FAM151B: variants seen among roughly 807,000 people sequenced by gnomAD.
FAM151B encodes the protein family with sequence similarity 151 member B.
A neutral mutation model predicts 31.2 loss-of-function variants in FAM151B; 24 were observed. The observed-to-expected ratio is 0.77, with a 90% CI of 0.56 to 1.08. The LOEUF (loss-of-function observed/expected upper bound fraction) is 1.08. Ranked by LOEUF, FAM151B falls within the 50% of genes least tolerant of loss-of-function variation. The probability of loss-of-function intolerance (pLI) is 0.00; values close to 1 mark genes in which losing one functional copy is unlikely to be tolerated. For missense variants in FAM151B, 293 were observed against 328.6 expected (o/e 0.89, Z 0.84); for synonymous variants, 105 against 111.4 (o/e 0.94, Z 0.36).
intron 1 of FAM151B, among the ~76,000 whole-genome samples, chr5:80,493,531 C>T (rs945073600): frequency 2.0e-5 from 3 of 152,082 alleles, no homozygotes; most frequent in Non-Finnish European, 4.4e-5. Context: ...AATGGATGTG[C>T]GAGTAGGAGA....
intron 5 of FAM151B, among the ~76,000 whole-genome samples, chr5:80,528,860 T>C (rs565756500): frequency 1.9e-3 from 296 of 152,234 alleles, no homozygotes; most frequent in African/African-American, 6.8e-3. Flanking sequence ...TATCCAGGAA[T>C]TGAACTCAGC....
chr5:80,511,956 T>C (rs1744207711), intron 2 of FAM151B, among the ~76,000 whole-genome samples: 1 of 152,240 alleles, frequency 6.6e-6, no homozygotes, highest in African/African-American at 2.4e-5. Flanking sequence ...TTCACTATGC[T>C]ACATAATTCA....
intron 5 of FAM151B, among the ~76,000 whole-genome samples, chr5:80,530,896 C>G (rs1053931024): frequency 6.6e-5 from 10 of 152,264 alleles, no homozygotes; most frequent in Admixed American, 2.0e-4. Flanking sequence ...CTTTAAAATT[C>G]ATATGGAACC....
At position 80,506,826 on chromosome 5, in the gene FAM151B, T is replaced by A. The variant is rs145084505; in HGVS notation, c.151+4909T>A. Among the ~76,000 whole-genome samples the A allele has an allele frequency of 6.8e-3, 1,032 of 152,220 alleles. 9 individuals carry two copies. The highest frequency in any genetic ancestry group is 0.023 in the African/African-American group (964 of 41,548). ...ATAGAGGTTGAGAGATTGTTTTGAT[T>A]TGTAGTTCTTGACTGGGTGGAGCTA... is the stretch of plus-strand genomic sequence containing the variant. On this transcript the variant is annotated intron_variant, in intron 2 of 5. Coordinates refer to ENST00000282226, the MANE Select transcript of FAM151B (RefSeq NM_205548.3).
rs1198094491 is a variant in FAM151B, at chr5:80,525,809, A to G, written c.671+3671A>G. On this transcript the variant is annotated intron_variant, in intron 5 of 5. Transcript: ENST00000282226. Reference sequence around the variant, plus strand: ...TTTATAACTATTTTTGTATTTAAACACCAAAACTACTTCTCCAGAAAGTAC... The same window carrying G: ...TTTATAACTATTTTTGTATTTAAACGCCAAAACTACTTCTCCAGAAAGTAC... Among the ~76,000 whole-genome samples, 4 of 152,028 alleles carry G rather than the reference A, an allele frequency of 2.6e-5. No homozygotes were observed. The East Asian group carries it at 7.7e-4, about 29-fold the overall frequency.
intron 5 of FAM151B, among the ~76,000 whole-genome samples, chr5:80,529,088 C>A (rs1745107334): frequency 6.6e-6 from 1 of 152,188 alleles, no homozygotes; most frequent in Admixed American, 6.6e-5. Flanking sequence ...GAAACTCACT[C>A]AAAACCGCTC....
At chr5:80,516,084 G>T (rs1157736496) in intron 3 of FAM151B, among the ~76,000 whole-genome samples, 1 of 152,198 alleles carries the variant, frequency 6.6e-6, no homozygotes, top group East Asian at 1.9e-4. Context: ...CAGCACTTTG[G>T]TAGGCCAAGG....
intron 1 of FAM151B, among the ~76,000 whole-genome samples, chr5:80,490,019 T>TACACACACACACACAC (rs71601587): frequency 0.011 from 1,522 of 144,658 alleles, 22 homozygotes; most frequent in Middle Eastern, 0.031. Context: ...TTTTCCCCCT[T>TACACACACACACACAC]ACACACACAC....
intron 2 of FAM151B, chr5:80,506,128 T>C: frequency 4.1e-6 from 4 of 985,010 alleles, no homozygotes; most frequent in Non-Finnish European, 4.8e-6. Flanking sequence ...CATTTGTAGC[T>C]CCAGGGGTGC....
chr5:80,541,562 C>A, intron 5 of FAM151B, 111 bp from the exon 6 acceptor site: 1 of 949,608 alleles, frequency 1.1e-6, no homozygotes, highest in Non-Finnish European at 1.6e-6. Flanking sequence ...TTAATTTTTT[C>A]ATCTGAGTGC....
At chr5:80,519,646 A>T (rs1216776033) in intron 3 of FAM151B, 47 bp from the exon 4 acceptor site, 1 of 1,526,510 alleles carries the variant, frequency 6.6e-7, no homozygotes, top group Non-Finnish European at 9.0e-7. Flanking sequence ...ACTTCTTTTT[A>T]CTTTACCTAA....
intron 1 of FAM151B, among the ~76,000 whole-genome samples, chr5:80,496,380 G>A (rs1743537198): frequency 6.6e-6 from 1 of 152,098 alleles, no homozygotes; most frequent in Admixed American, 6.5e-5. Flanking sequence ...TTAAAATTAA[G>A]GTATGCACAT....
chr5:80,519,775 A>G lies in FAM151B; in HGVS notation c.400A>G (p.Ile134Val). ...GCGTCCTGTATGGATTAATGCCGAT[A>G]TTCTTCCTGGTCCAAATGGAAATAG... is the stretch of plus-strand genomic sequence containing the variant. ...LKRPVWINADILPGPNGNSKV... is the reference protein window; with the variant it reads ...LKRPVWINADVLPGPNGNSKV... Residue 134 changes from isoleucine (I) to valine (V), a missense_variant, in exon 4 of 6, where the codon ATT becomes GTT. Transcript: ENST00000282226. The G allele has an allele frequency of 6.2e-7, 1 of 1,614,180 alleles. No individual in the cohort carries two copies. The highest frequency in any genetic ancestry group is 1.1e-5 in the South Asian group (1 of 91,086).
intron 1 of FAM151B, 146 bp downstream of exon 1, chr5:80,488,294 G>T (rs901698771): frequency 2.1e-5 from 23 of 1,078,994 alleles, no homozygotes; most frequent in Middle Eastern, 6.0e-4. Context: ...TGGGCTTGGA[G>T]CCCGCTCTGC....
intron 1 of FAM151B, among the ~76,000 whole-genome samples, chr5:80,489,651 G>C (rs561393689): frequency 6.6e-6 from 1 of 152,228 alleles, no homozygotes; most frequent in East Asian, 1.9e-4. Flanking sequence ...TGGGCCGGGC[G>C]CGGTGACTCA....
rs189599810 is a variant in FAM151B at position 80,490,106 on chromosome 5, C to T, written c.25+1958C>T. Among the ~76,000 whole-genome samples the T allele has an allele frequency of 2.6e-3, 375 of 145,814 alleles. 3 individuals are homozygous for T. The highest frequency in any genetic ancestry group is 4.2e-3 in the Non-Finnish European group (277 of 66,322). On this transcript the variant is annotated intron_variant, in intron 1 of 5. Coordinates refer to ENST00000282226, the MANE Select transcript of FAM151B (RefSeq NM_205548.3). ...CAATAGGATGTATAGTGAAAAGTTC[C>T]GTCCTGGCCGGGCGTGGTGGTTTAC...
Position 80,513,683 on chromosome 5 carries a change from C to T in FAM151B, c.231C>T (p.Pro77=). The part of the protein sequence containing the change: ...SEHSQPIMAH[P]PETNSDNTLQ... ...ACAGCCAGCCAATTATGGCCCATCC[C>T]CCTGAAACAAACAGTGATAATACTC... Residue 77 remains proline, a synonymous_variant, in exon 3 of 6, where the codon CCC becomes CCT. Coordinates refer to ENST00000282226, the MANE Select transcript of FAM151B (RefSeq NM_205548.3). The T allele has an allele frequency of 6.2e-7, 1 of 1,614,060 alleles. No individual in the cohort carries two copies. The highest frequency in any genetic ancestry group is 8.5e-7 in the Non-Finnish European group (1 of 1,180,014).
intron 2 of FAM151B, among the ~76,000 whole-genome samples, chr5:80,507,118 CA>C (rs58200677): frequency 0.28 from 31,825 of 112,220 alleles, 3,526 homozygotes; most frequent in East Asian, 0.46. Flanking sequence ...GACTCCATCT[CA>C]AAAAAAAAAA....
Position 80,538,453 on chromosome 5 carries a change from T to C in FAM151B, c.672-3220T>C, listed in dbSNP as rs1406392693. On this transcript the variant is annotated intron_variant, in intron 5 of 5. Transcript: ENST00000282226. The stretch of plus-strand genomic sequence containing the variant: ...CTTTCTTTCTTTCTTTCTTTCTCTT[T>C]CTTTCTTTCTTTCTTTCTTTCTTTC... Among the ~76,000 whole-genome samples, 22 of 43,900 alleles carry C rather than the reference T, an allele frequency of 5.0e-4. 1 individual carries two copies. Among genetic ancestry groups the C allele is most frequent in the African/African-American group, 1.3e-3 (18 of 13,426 alleles). 28.8% of individuals were successfully genotyped at this position (43,900 alleles called of 152,430 possible). A position where few individuals can be genotyped will look rare whatever the true frequency, so the allele number is the denominator to read the frequency against.
Sources: gnomAD v4.1 joint callset for allele counts (sites outside exome capture counted in the v4.1 genomes callset) on GRCh38, gnomAD v4.1.1 for gene constraint, MANE v1.5 for transcripts, NCBI Gene and HGNC (gene_info 2026-07-23, HGNC 2026-07-21) for gene names.